TMLHE: variants seen among roughly 807,000 people sequenced by gnomAD.
TMLHE encodes trimethyllysine hydroxylase, epsilon, also known as trimethyllysine dioxygenase, mitochondrial.
TMLHE carries 18 observed loss-of-function variants against 25.7 expected under a neutral mutation model. That is an observed-to-expected ratio of 0.70 (90% CI 0.48 to 1.04). TMLHE has a LOEUF of 1.04. Among genes scored for constraint, TMLHE ranks in the 50% least tolerant of loss-of-function variants. The pLI, the probability that TMLHE is intolerant of heterozygous loss-of-function variation, is 0.00. For synonymous variants in TMLHE, 105 were observed against 97.0 expected, an observed-to-expected ratio of 1.08 and a Z score of -0.49; for missense variants, 236 against 259.0, an observed-to-expected ratio of 0.91 and a Z score of 0.61.
At chrX:155,532,316 A>G (rs2067253522) in intron 2 of TMLHE, among the ~76,000 whole-genome samples, 1 of 112,292 alleles carries the variant, frequency 8.9e-6, no homozygotes, top group African/African-American at 3.2e-5. Context: ...ACATGCAGAT[A>G]GAAGGCAACT....
chrX:155,578,163 C>T (rs61492273), intron 1 of TMLHE, among the ~76,000 whole-genome samples: 3,283 of 111,531 alleles, frequency 0.029, 112 homozygotes, highest in African/African-American at 0.098. Flanking sequence ...AGGCTGTGTG[C>T]CCCACAAGTG....
intron 1 of TMLHE, among the ~76,000 whole-genome samples, chrX:155,573,514 C>T (rs1203209680): frequency 3.5e-5 from 2 of 56,497 alleles, no homozygotes; most frequent in African/African-American, 8.5e-5. Flanking sequence ...AATCATGCTG[C>T]TATAAGGACC....
Position 155,569,325 on chromosome X carries a change from T to C in TMLHE, c.-1-24048A>G, listed in dbSNP as rs782290394. Among the ~76,000 whole-genome samples the C allele has an allele frequency of 8.2e-4, 47 of 57,170 alleles. 7 individuals are homozygous for C. The highest frequency in any genetic ancestry group is 1.8e-3 in the African/African-American group (42 of 23,851). The allele number at this position is 57,170 out of a possible 115,157, so 49.6% of individuals were successfully genotyped here. A position where few individuals can be genotyped will look rare whatever the true frequency, so the allele number is the denominator to read the frequency against. On this transcript the variant is annotated intron_variant, in intron 1 of 7. Transcript: ENST00000334398. ...AAATGAACAAAGCCTCCAAGAAATATGGGACTATGTGAAAAGACCAAATCT... is the reference window on the plus strand; with the variant it reads ...AAATGAACAAAGCCTCCAAGAAATACGGGACTATGTGAAAAGACCAAATCT...
At chrX:155,576,806 G>A (rs1266247571) in intron 1 of TMLHE, among the ~76,000 whole-genome samples, 3 of 112,022 alleles carry the variant, frequency 2.7e-5, no homozygotes, top group Non-Finnish European at 5.6e-5. Context: ...CTAGCCATAT[G>A]CAGAAGATTA....
intron 5 of TMLHE, 30 bp downstream of exon 5, chrX:155,511,643 C>G (rs372215787): frequency 8.6e-5 from 101 of 1,172,929 alleles, no homozygotes; most frequent in Non-Finnish European, 1.0e-4. Context: ...CATATAAAGA[C>G]TTTACACTGT....
chrX:155,545,023 G>C, intron 2 of TMLHE, 73 bp downstream of exon 2: 2 of 1,083,111 alleles, frequency 1.8e-6, no homozygotes, highest in Non-Finnish European at 2.5e-6. Context: ...TCCAATTTTT[G>C]ATATATGTGC....
rs141880518 is a variant in TMLHE, at chrX:155,559,578, T to A, written c.-1-14301A>T. Among the ~76,000 whole-genome samples, 773 of 112,049 alleles carry A rather than the reference T, an allele frequency of 6.9e-3. 6 individuals carry two copies. The highest frequency in any genetic ancestry group is 0.024 in the African/African-American group (734 of 30,938). ...TCATAATAACAGAAACTTTTGGAGA[T>A]CAGCCATAGCTAGAAATTCTAGTCA... On this transcript the variant is annotated intron_variant, in intron 1 of 7. Coordinates refer to ENST00000334398, the MANE Select transcript of TMLHE (RefSeq NM_018196.4).
chrX:155,583,339 G>C (rs186530297), intron 1 of TMLHE, among the ~76,000 whole-genome samples: 70 of 110,982 alleles, frequency 6.3e-4, no homozygotes, highest in African/African-American at 2.1e-3. Context: ...AAGAAAAGAA[G>C]AAAGACCATC....
chrX:155,507,370 A>T (rs2067082547), intron 5 of TMLHE, among the ~76,000 whole-genome samples: 2 of 109,654 alleles, frequency 1.8e-5, no homozygotes, highest in African/African-American at 6.6e-5. Flanking sequence ...TGAAGCTTAT[A>T]TGTGCTGGGC....
chrX:155,549,847 G>T (rs1557339782), intron 1 of TMLHE, among the ~76,000 whole-genome samples: 1 of 109,717 alleles, frequency 9.1e-6, no homozygotes, highest in African/African-American at 3.4e-5. Context: ...CCTACACTAG[G>T]TATTTCTCCT....
chrX:155,540,876 T>C (rs1486549197), intron 2 of TMLHE, among the ~76,000 whole-genome samples: 3 of 110,959 alleles, frequency 2.7e-5, no homozygotes, highest in Non-Finnish European at 5.7e-5. Flanking sequence ...CATGATCTTA[T>C]ATGTAGAAAA....
chrX:155,545,059 A>G (rs782151275), intron 2 of TMLHE, 37 bp downstream of exon 2: 1 of 1,182,701 alleles, frequency 8.5e-7, no homozygotes, highest in Non-Finnish European at 1.1e-6. Flanking sequence ...TTCTTACCAC[A>G]AGTTTTAAAA....
chrX:155,513,126 G>C (rs1603018576), intron 4 of TMLHE, among the ~76,000 whole-genome samples: 1 of 111,102 alleles, frequency 9.0e-6, no homozygotes, highest in East Asian at 2.8e-4. Context: ...TGCTCTACCA[G>C]CACAGGGAAG....
chrX:155,585,109 C>T (rs1557345113), intron 1 of TMLHE, among the ~76,000 whole-genome samples: 1 of 111,144 alleles, frequency 9.0e-6, no homozygotes, highest in African/African-American at 3.3e-5. Flanking sequence ...AGAACAAAAC[C>T]TCACATAGCA....
intron 1 of TMLHE, among the ~76,000 whole-genome samples, chrX:155,553,461 T>C (rs920253292): frequency 9.1e-6 from 1 of 110,053 alleles, no homozygotes; most frequent in Non-Finnish European, 1.9e-5. Context: ...AAGTCACCTT[T>C]GTCTGGTATT....
chrX:155,527,500 AACAGGCTAAT>A (rs373923600), intron 2 of TMLHE, among the ~76,000 whole-genome samples: 7 of 111,915 alleles, frequency 6.3e-5, no homozygotes, highest in African/African-American at 2.3e-4. Context: ...GCAGTGTGAG[AACAGGCTAAT>A]ACAGGAGGTC....
intron 1 of TMLHE, among the ~76,000 whole-genome samples, chrX:155,580,692 G>A (rs1171224155): frequency 1.8e-5 from 2 of 111,534 alleles, no homozygotes; most frequent in Non-Finnish European, 3.8e-5. Context: ...CATCTCATGT[G>A]GCAGCAGACA....
intron 2 of TMLHE, among the ~76,000 whole-genome samples, chrX:155,525,213 T>C (rs1310654219): frequency 1.8e-5 from 2 of 111,389 alleles, no homozygotes; most frequent in South Asian, 3.8e-4. Context: ...GATTGGATCA[T>C]GGGGGCAAAT....
intron 1 of TMLHE, among the ~76,000 whole-genome samples, chrX:155,577,207 T>G (rs782496039): frequency 8.9e-6 from 1 of 111,844 alleles, no homozygotes; most frequent in Non-Finnish European, 1.9e-5. Flanking sequence ...CATGAACAGA[T>G]ACTTTTCAAA....
Sources: gnomAD v4.1 joint callset for allele counts (sites outside exome capture counted in the v4.1 genomes callset) on GRCh38, gnomAD v4.1.1 for gene constraint, MANE v1.5 for transcripts, NCBI Gene and HGNC (gene_info 2026-07-23, HGNC 2026-07-21) for gene names.